The following TTK variants were observed in gnomAD, a reference collection of about 807,000 sequenced individuals.
TTK encodes the protein dual specificity protein kinase TTK.
Under a neutral mutation model 117.3 loss-of-function variants are expected in TTK, and 59 were observed. That is an observed-to-expected ratio of 0.50 (90% CI 0.41 to 0.62). The LOEUF is 0.62. Among genes scored for constraint, TTK ranks in the 20% least tolerant of loss-of-function variants. The probability of loss-of-function intolerance (pLI) is 0.00; values close to 1 mark genes in which losing one functional copy is unlikely to be tolerated. For synonymous variants in TTK, 302 were observed against 325.0 expected, an observed-to-expected ratio of 0.93 and a Z score of 0.76; for missense variants, 921 against 989.4, an observed-to-expected ratio of 0.93 and a Z score of 0.93.
At chr6:80,039,135 T>C (rs1227898940) in intron 18 of TTK, among the ~76,000 whole-genome samples, 1 of 152,104 alleles carries the variant, frequency 6.6e-6, no homozygotes. Flanking sequence ...GATATAACTA[T>C]TCTATTTAAA....
chr6:80,014,508 A>G lies in TTK; in HGVS notation c.1030A>G (p.Lys344Glu), dbSNP rs759995763. 14 of 1,609,980 alleles carry G rather than the reference A, an allele frequency of 8.7e-6. No homozygotes were observed. The highest frequency in any genetic ancestry group is 1.7e-4 in the Middle Eastern group (1 of 6,060). ...HFKEPLVSDEKSSELIITDSI... is the reference protein window; with the variant it reads ...HFKEPLVSDEESSELIITDSI... ...CAAGGAACCTCTGGTGTCAGATGAAAAGAGTTCTGAACTTATTATTACTGA... is the reference window on the plus strand; with the variant it reads ...CAAGGAACCTCTGGTGTCAGATGAAGAGAGTTCTGAACTTATTATTACTGA... Residue 344 changes from lysine to glutamate, a missense_variant, in exon 10 of 22, where the codon AAG (lysine) becomes GAG (glutamate). Coordinates refer to ENST00000369798, the MANE Select transcript of TTK (RefSeq NM_003318.5).
intron 9 of TTK, among the ~76,000 whole-genome samples, chr6:80,013,941 T>C (rs1425628153): frequency 6.6e-6 from 1 of 152,110 alleles, no homozygotes; most frequent in Admixed American, 6.6e-5. Flanking sequence ...TTATGTTCTT[T>C]GTAATGCCTC....
intron 10 of TTK, among the ~76,000 whole-genome samples, chr6:80,018,337 C>T (rs1461779316): frequency 6.6e-6 from 1 of 151,902 alleles, no homozygotes; most frequent in African/African-American, 2.4e-5. Flanking sequence ...TATAGCTGGC[C>T]GGGCACGGTG....
rs756675880 is a variant in TTK at position 80,005,988 on chromosome 6, TTTTTC to T, written c.139+16_139+20del. On this transcript the variant is annotated splice_region_variant and intron_variant, in intron 2 of 21. Transcript: ENST00000369798. The stretch of plus-strand genomic sequence containing the variant: ...AATTTCTGCTGATACTACAGGTGAG[TTTTTC>T]TTTTCTTTTAAGTTAGTAACTGTTT... 2.9e-5 allele frequency: 47 copies of T among 1,598,982 alleles called. No homozygotes were observed. The African/African-American group carries it at 5.0e-4, about 17-fold the overall frequency.
At chr6:80,019,247 C>G (rs1296866919) in intron 10 of TTK, among the ~76,000 whole-genome samples, 1 of 152,116 alleles carries the variant, frequency 6.6e-6, no homozygotes, top group African/African-American at 2.4e-5. Flanking sequence ...GGTCTTGTAA[C>G]TGACTTAAGT....
In TTK at chr6:80,010,941, AAAG is replaced by A; in HGVS notation, c.603_605del (p.Lys201del). 3 of 1,612,014 alleles carry A rather than the reference AAAG, an allele frequency of 1.9e-6. No homozygotes were observed. Among genetic ancestry groups the A allele is most frequent in the Non-Finnish European group, 2.5e-6 (3 of 1,178,488 alleles). ...AAAAGCAGCTGCTTTCAGAGGAGGA[AAAG>A]AAGAATTTATCAGGTAACTATTAAG... On this transcript the variant is annotated inframe_deletion, in exon 5 of 22. Transcript: ENST00000369798.
intron 15 of TTK, 58 bp from the exon 16 acceptor site, chr6:80,035,208 A>G: frequency 6.5e-7 from 1 of 1,534,780 alleles, no homozygotes; most frequent in Non-Finnish European, 8.7e-7. Context: ...AATATTTAGT[A>G]AACTTTAATA....
intron 4 of TTK, among the ~76,000 whole-genome samples, chr6:80,010,207 A>G (rs113046282): frequency 6.6e-6 from 1 of 152,098 alleles, no homozygotes; most frequent in African/African-American, 2.4e-5. Context: ...TAATCTGTCC[A>G]TACTCAGAAA....
intron 1 of TTK, chr6:80,005,003 AC>A (rs1562008416): frequency 6.6e-6 from 1 of 152,208 alleles, no homozygotes; most frequent in Non-Finnish European, 1.5e-5. Context: ...TTTCCAAAGG[AC>A]AGTCTCTCTT....
intron 3 of TTK, 103 bp downstream of exon 3, chr6:80,008,134 A>C (rs1767045755): frequency 7.5e-7 from 1 of 1,334,156 alleles, no homozygotes; most frequent in South Asian, 1.5e-5. Flanking sequence ...AGAAAATATT[A>C]ATTTTTTTAC....
intron 10 of TTK, 73 bp from the exon 11 acceptor site, chr6:80,022,251 T>A (rs1767479528): frequency 1.4e-6 from 2 of 1,457,522 alleles, no homozygotes; most frequent in African/African-American, 2.8e-5. Flanking sequence ...GTTTGTAATA[T>A]GTTCTGTTGT....
At chr6:80,008,929 C>CTG (rs3049166) in intron 4 of TTK, among the ~76,000 whole-genome samples, 9,261 of 142,338 alleles carry the variant, frequency 0.065, 374 homozygotes, top group African/African-American at 0.12. Context: ...AACTATATAT[C>CTG]TGTGTGTGTG....
At chr6:80,020,571 C>T (rs1231977923) in intron 10 of TTK, among the ~76,000 whole-genome samples, 1 of 152,162 alleles carries the variant, frequency 6.6e-6, no homozygotes, top group African/African-American at 2.4e-5. Flanking sequence ...CTGAATTTTT[C>T]TTACTGGAAT....
At chr6:80,011,064 C>G (rs1400431675) in intron 5 of TTK, 107 bp downstream of exon 5, 1 of 1,295,100 alleles carries the variant, frequency 7.7e-7, no homozygotes, top group Non-Finnish European at 1.0e-6. Context: ...TGGTTAAAAT[C>G]TAAGATTAAA....
intron 14 of TTK, among the ~76,000 whole-genome samples, chr6:80,032,530 G>A (rs1028330108): frequency 1.3e-5 from 2 of 151,934 alleles, no homozygotes; most frequent in East Asian, 1.9e-4. Context: ...ATTCAACATC[G>A]CTTCTTAGTG....
chr6:80,042,188 A>G lies in TTK; in HGVS notation c.2560A>G (p.Arg854Gly), dbSNP rs755816263. The G allele has an allele frequency of 9.4e-6, 15 of 1,600,620 alleles. No homozygotes were observed. Among genetic ancestry groups the G allele is most frequent in the East Asian group, 2.2e-5 (1 of 44,592 alleles). ...ATCCTCCAAGACTTTTGAAAAAAAA[A>G]GGGGAAAAAAATGATTTGCAGTTAT... is the stretch of plus-strand genomic sequence containing the variant. ...SSSSKTFEKK[R>G]GKK is the part of the protein sequence containing the mutation. The change falls in exon 22 of 22, where the codon AGG (arginine) becomes GGG (glycine). Residue 854 changes from arginine (R) to glycine (G), a missense_variant. Transcript: ENST00000369798.
chr6:80,008,925 A>ATGTGTG (rs1194569449), intron 4 of TTK, among the ~76,000 whole-genome samples: 3 of 73,102 alleles, frequency 4.1e-5, no homozygotes, highest in African/African-American at 1.4e-4. Flanking sequence ...AGTAAACTAT[A>ATGTGTG]TATCTGTGTG....
rs779102428 is a variant in TTK at position 80,037,984 on chromosome 6, T to C, written c.2067T>C (p.Tyr689=). The C allele has an allele frequency of 1.2e-6, 2 of 1,609,036 alleles. No individual in the cohort carries two copies. The highest frequency in any genetic ancestry group is 1.1e-5 in the South Asian group (1 of 90,370). ...GCATATAGGTTGGCACAGTTAATTATATGCCACCAGAAGCAATCAAAGATA... is the reference window on the plus strand; with the variant it reads ...GCATATAGGTTGGCACAGTTAATTACATGCCACCAGAAGCAATCAAAGATA... ...VKDSQVGTVN[Y]MPPEAIKDMS... Residue 689 remains tyrosine (Y), a synonymous_variant, in exon 18 of 22, where the codon TAT becomes TAC. Coordinates refer to ENST00000369798, the MANE Select transcript of TTK (RefSeq NM_003318.5).
chr6:80,015,281 C>A (rs1767277118), intron 10 of TTK, among the ~76,000 whole-genome samples: 2 of 152,132 alleles, frequency 1.3e-5, no homozygotes. Flanking sequence ...ATGCTGCAGA[C>A]TGTAACATGG....
Sources: allele counts gnomAD v4.1 joint callset (sites outside exome capture counted in the v4.1 genomes callset), GRCh38; gene constraint gnomAD v4.1.1; transcripts MANE v1.5; gene names NCBI Gene and HGNC (gene_info 2026-07-23, HGNC 2026-07-21).